Variants in NTF3 observed in about 807,000 individuals in gnomAD.
The protein encoded by NTF3 is neurotrophin-3.
Under a neutral mutation model 26.3 loss-of-function variants are expected in NTF3, and 8 were observed. The observed-to-expected ratio is 0.30, with a 90% CI of 0.18 to 0.55. The LOEUF (loss-of-function observed/expected upper bound fraction) is 0.55. Ranked by LOEUF, NTF3 falls within the 20% of genes least tolerant of loss-of-function variation. The probability of loss-of-function intolerance (pLI) is 0.93; values close to 1 mark genes in which losing one functional copy is unlikely to be tolerated. For missense variants in NTF3, 276 were observed against 352.9 expected (o/e 0.78, Z 1.75); for synonymous variants, 154 against 145.5 (o/e 1.06, Z -0.42).
chr12:5,494,073 C>A lies in NTF3; in HGVS notation c.19-121C>A. ...GTCCAGAGGGGAGTTGCCTTGCTTA[C>A]CTGGGGGGCGGTACCCTCTCTCGTG... On this transcript the variant is annotated intron_variant, in intron 1 of 1. Coordinates refer to ENST00000423158, the MANE Select transcript of NTF3 (RefSeq NM_001102654.2). This position sits in a 1 kb window ranked among gnomAD's most constrained non-coding sequence, Gnocchi z 8.3. 1.2e-6 allele frequency: 1 copy of A among 864,992 alleles called. No homozygotes were observed. The highest frequency in any genetic ancestry group is 1.8e-6 in the Non-Finnish European group (1 of 565,368). The allele number at this position is 864,992 out of a possible 1,614,324, so 53.6% of individuals were successfully genotyped here.
chr12:5,453,364 G>A (rs1487079446), intron 1 of NTF3, among the ~76,000 whole-genome samples: 1 of 152,068 alleles, frequency 6.6e-6, no homozygotes, highest in Non-Finnish European at 1.5e-5. Flanking sequence ...TACCCCTCCT[G>A]CCTCCCCTTC....
At chr12:5,445,084 A>G (rs1205500565) in intron 1 of NTF3, among the ~76,000 whole-genome samples, 3 of 152,230 alleles carry the variant, frequency 2.0e-5, no homozygotes, top group South Asian at 2.1e-4. Context: ...TTCAGGATCA[A>G]AAAAGAAGAT....
chr12:5,491,908 G>A (rs1327979078), intron 1 of NTF3, among the ~76,000 whole-genome samples: 3 of 151,552 alleles, frequency 2.0e-5, no homozygotes, highest in African/African-American at 7.3e-5. Context: ...TTTAGACGGG[G>A]TTTCACCTTG....
Position 5,495,231 on chromosome 12 carries a change from G to T in NTF3, c.*243G>T. On this transcript the variant is annotated 3_prime_UTR_variant, in exon 2 of 2. Transcript: ENST00000423158. The stretch of plus-strand genomic sequence containing the variant: ...TCAGGAGTCACTCTGTAAAATCTGT[G>T]TACACCAGTATTTTGCATTCAGTAT... 2.0e-6 allele frequency: 1 copy of T among 488,572 alleles called. No individual in the cohort carries two copies. The highest frequency in any genetic ancestry group is 3.7e-6 in the Non-Finnish European group (1 of 267,912). The allele number at this position is 488,572 out of a possible 1,614,324, so 30.3% of individuals were successfully genotyped here.
At chr12:5,455,623 A>G (rs1312653380) in intron 1 of NTF3, among the ~76,000 whole-genome samples, 1 of 151,218 alleles carries the variant, frequency 6.6e-6, no homozygotes, top group Non-Finnish European at 1.5e-5. Context: ...TCCTGTTCAT[A>G]TCCTCCAGGA....
At chr12:5,432,865 C>T (rs1409504521) in intron 1 of NTF3, among the ~76,000 whole-genome samples, 1 of 151,858 alleles carries the variant, frequency 6.6e-6, no homozygotes, top group Non-Finnish European at 1.5e-5. Context: ...GACAGAACTC[C>T]GGGCGGGGAG....
chr12:5,442,960 A>C (rs11063679), intron 1 of NTF3, among the ~76,000 whole-genome samples: 14,822 of 152,176 alleles, frequency 0.097, 855 homozygotes, highest in African/African-American at 0.16. Flanking sequence ...GTGGCAGTAG[A>C]TATTTGGTAA....
rs552775215 is a variant in NTF3 at position 5,471,167 on chromosome 12, C to T, written c.19-23027C>T. On this transcript the variant is annotated intron_variant, in intron 1 of 1. Coordinates refer to ENST00000423158, the MANE Select transcript of NTF3 (RefSeq NM_001102654.2). ...GTCTCTTCTAACACTAGAAATTCCT[C>T]TGGTTTTTTAGACTATTTCAAGGGC... Among the ~76,000 whole-genome samples the T allele has an allele frequency of 5.3e-5, 8 of 152,208 alleles. No individual in the cohort carries two copies. In the South Asian group the frequency reaches 1.7e-3, roughly 32 times the overall value.
chr12:5,486,203 C>A (rs899580667), intron 1 of NTF3, among the ~76,000 whole-genome samples: 2 of 152,200 alleles, frequency 1.3e-5, no homozygotes, highest in African/African-American at 2.4e-5. Flanking sequence ...CAGCCAAGTC[C>A]TCTGGGGGCC....
At chr12:5,452,899 T>C (rs140548144) in intron 1 of NTF3, among the ~76,000 whole-genome samples, 1 of 152,314 alleles carries the variant, frequency 6.6e-6, no homozygotes, top group Non-Finnish European at 1.5e-5. Flanking sequence ...ACCCCGACCT[T>C]ACAGCTAAGT....
intron 1 of NTF3, among the ~76,000 whole-genome samples, chr12:5,491,936 G>C (rs1485376160): frequency 6.6e-6 from 1 of 151,490 alleles, no homozygotes; most frequent in Non-Finnish European, 1.5e-5. Flanking sequence ...GGATGGTCTC[G>C]ATCTCCTGAC....
At chr12:5,432,602 C>CACACACAG (rs1357864009) in intron 1 of NTF3, among the ~76,000 whole-genome samples, 11 of 132,634 alleles carry the variant, frequency 8.3e-5, no homozygotes, top group African/African-American at 2.8e-4. Context: ...CACACACACA[C>CACACACAG]ACACAGACAC....
rs200399901 is a variant in NTF3 at position 5,494,898 on chromosome 12, T to C, written c.723T>C (p.Thr241=). 1,267 of 1,614,092 alleles carry C rather than the reference T, an allele frequency of 7.8e-4. 5 individuals carry two copies. The highest frequency in any genetic ancestry group is 4.7e-4 in the Non-Finnish European group (549 of 1,180,028). The stretch of plus-strand genomic sequence containing the variant: ...CCCAAACCTACGTCCGAGCACTGAC[T>C]TCAGAGAACAATAAACTCGTGGGCT... ...KTSQTYVRAL[T]SENNKLVGWR... is the part of the protein sequence containing the mutation. Residue 241 remains threonine, a synonymous_variant, in exon 2 of 2, where the codon ACT becomes ACC. Transcript: ENST00000423158. This position sits in a 1 kb window ranked among gnomAD's most constrained non-coding sequence, Gnocchi z 8.3.
chr12:5,457,352 A>G (rs1425966942), intron 1 of NTF3, among the ~76,000 whole-genome samples: 5 of 151,762 alleles, frequency 3.3e-5, no homozygotes, highest in Non-Finnish European at 4.4e-5. Context: ...CAATGCTTAA[A>G]CCCCTTGCAA....
At position 5,464,387 on chromosome 12, in the gene NTF3, A is replaced by G. The variant is rs1462323772; in HGVS notation, c.19-29807A>G. On this transcript the variant is annotated intron_variant, in intron 1 of 1. Coordinates refer to ENST00000423158, the MANE Select transcript of NTF3 (RefSeq NM_001102654.2). ...CAACTTAACAGTGGTTGGACTTTCA[A>G]TTTTTCACCTTATAATGGTGCAAAA... 2.6e-5 allele frequency among the ~76,000 whole-genome samples: 4 copies of G among 152,204 alleles called. No individual in the cohort carries two copies. The South Asian group carries it at 8.3e-4, about 31-fold the overall frequency.
intron 1 of NTF3, among the ~76,000 whole-genome samples, chr12:5,471,321 T>A (rs991927053): frequency 2.6e-5 from 4 of 152,192 alleles, no homozygotes; most frequent in Non-Finnish European, 5.9e-5. Flanking sequence ...CGGGCTTTAG[T>A]TCCCTTATCT....
intron 1 of NTF3, among the ~76,000 whole-genome samples, chr12:5,464,579 C>A (rs892370350): frequency 6.6e-6 from 1 of 152,144 alleles, no homozygotes; most frequent in African/African-American, 2.4e-5. Flanking sequence ...TGAGCCCCAT[C>A]CCTTGATGAT....
upstream of NTF3, chr12:5,432,055 G>T: frequency 2.7e-6 from 1 of 373,166 alleles, no homozygotes; most frequent in South Asian, 2.9e-5. Context: ...CGCTGAGCGC[G>T]GAGCCATCTG....
intron 1 of NTF3, among the ~76,000 whole-genome samples, chr12:5,484,035 T>C (rs550519282): frequency 1.3e-3 from 205 of 152,312 alleles, no homozygotes; most frequent in African/African-American, 4.8e-3. Flanking sequence ...GTCAGGTTCA[T>C]CTGGGACCCC....
Sources: allele counts gnomAD v4.1 joint callset (sites outside exome capture counted in the v4.1 genomes callset), GRCh38; gene constraint gnomAD v4.1.1; non-coding constraint Gnocchi (gnomAD v3.1); transcripts MANE v1.5; gene names NCBI Gene and HGNC (gene_info 2026-07-23, HGNC 2026-07-21).